Variants in RTTN observed in about 807,000 individuals in gnomAD.
RTTN encodes rotatin.
A neutral mutation model predicts 269.2 loss-of-function variants in RTTN; 182 were observed. The observed-to-expected ratio is 0.68, with a 90% CI of 0.60 to 0.76. RTTN has a LOEUF of 0.76. Among genes scored for constraint, RTTN ranks in the 30% least tolerant of loss-of-function variants. The probability of loss-of-function intolerance (pLI) is 0.00; values close to 1 mark genes in which losing one functional copy is unlikely to be tolerated. For synonymous variants in RTTN, 1,006 were observed against 963.5 expected (o/e 1.04, Z -0.82); for missense variants, 2,545 against 2,608.6 (o/e 0.98, Z 0.53).
At chr18:70,028,852 CT>C (rs2056928115) in intron 42 of RTTN, 51 bp from the exon 43 acceptor site, 2 of 1,287,086 alleles carry the variant, frequency 1.6e-6, no homozygotes, top group Non-Finnish European at 2.2e-6. Context: ...GCATACTTCA[CT>C]TTTTGTGTAT....
chr18:70,075,487 G>A lies in RTTN; in HGVS notation c.4429C>T (p.Leu1477Phe). The change falls in exon 33 of 49, where the codon CTT becomes TTT. Residue 1477 changes from leucine to phenylalanine, a missense_variant. Physicochemically the swap from Leu to Phe is conservative, Grantham distance 22. Transcript: ENST00000640769. ...SGLSLIGKPA[L>F]QALLYHCHFY... Reference sequence around the variant, plus strand: ...TGGCAGTGATATAAAAGAGCCTGAAGGGCAGGTTTTCCAATGAGCGATAGG... The same window carrying A: ...TGGCAGTGATATAAAAGAGCCTGAAAGGCAGGTTTTCCAATGAGCGATAGG... 1.2e-6 allele frequency: 2 copies of A among 1,603,314 alleles called. No homozygotes were observed. The highest frequency in any genetic ancestry group is 1.7e-6 in the Non-Finnish European group (2 of 1,175,662).
intron 40 of RTTN, 71 bp from the exon 41 acceptor site, chr18:70,031,052 A>G: frequency 1.0e-6 from 1 of 985,846 alleles, no homozygotes; most frequent in Non-Finnish European, 1.5e-6. Flanking sequence ...TGAATAAAGA[A>G]CATTTTCTAC....
chr18:70,109,910 T>C (rs2059418617), intron 27 of RTTN, among the ~76,000 whole-genome samples, 193 bp from the exon 28 acceptor site: 1 of 152,096 alleles, frequency 6.6e-6, no homozygotes. Flanking sequence ...GAGAATGTCA[T>C]ATAAAATACA....
chr18:70,012,718 C>A (rs2056426160), intron 46 of RTTN, among the ~76,000 whole-genome samples: 1 of 152,088 alleles, frequency 6.6e-6, no homozygotes, highest in African/African-American at 2.4e-5. Flanking sequence ...CGTCTGCTCA[C>A]TGGTACTGGT....
In RTTN at chr18:70,046,510, T is replaced by C. The variant is rs2057495330; in HGVS notation, c.5541+1461A>G. Among the ~76,000 whole-genome samples, 3 of 152,210 alleles carry C rather than the reference T, an allele frequency of 2.0e-5. No homozygotes were observed. The South Asian group carries it at 6.2e-4, about 32-fold the overall frequency. The stretch of plus-strand genomic sequence containing the variant: ...TGTGGTTGGGAGACTTTTGAAAAGG[T>C]TTGAATTTTCCTCCTTACAACATTC... On this transcript the variant is annotated intron_variant, in intron 40 of 48. Transcript: ENST00000640769.
At chr18:70,075,685 T>C (rs1272083079) in intron 32 of RTTN, 144 bp from the exon 33 acceptor site, 5 of 598,150 alleles carry the variant, frequency 8.4e-6, no homozygotes, top group Non-Finnish European at 1.4e-5. Context: ...TACACAGTTA[T>C]AGCAGCCTGA....
At chr18:70,098,891 T>C (rs1443730153) in intron 28 of RTTN, among the ~76,000 whole-genome samples, 2 of 152,184 alleles carry the variant, frequency 1.3e-5, no homozygotes, top group Non-Finnish European at 2.9e-5. Flanking sequence ...GAACATGCAG[T>C]GTTCGGTTAT....
intron 17 of RTTN, among the ~76,000 whole-genome samples, chr18:70,147,987 C>T (rs1171658872): frequency 3.3e-5 from 5 of 152,136 alleles, no homozygotes; most frequent in South Asian, 2.1e-4. Context: ...TCCTGGATCA[C>T]CCATAACATT....
intron 28 of RTTN, among the ~76,000 whole-genome samples, chr18:70,104,320 C>G (rs950155457): frequency 6.6e-6 from 1 of 152,120 alleles, no homozygotes; most frequent in Non-Finnish European, 1.5e-5. Flanking sequence ...AGTTCTTGTG[C>G]CATGATTTTC....
Position 70,110,324 on chromosome 18 carries a change from G to A in RTTN, c.3684-607C>T, listed in dbSNP as rs552632394. On this transcript the variant is annotated intron_variant, in intron 27 of 48. Transcript: ENST00000640769. ...GTCTGCAGCTCCCGGCAAGATCGAC[G>A]CAGAAGGCGGGTGATTTCTGCATTT... 1.4e-4 allele frequency among the ~76,000 whole-genome samples: 21 copies of A among 152,104 alleles called. No individual in the cohort carries two copies. In the South Asian group the frequency reaches 1.7e-3, roughly 12 times the overall value.
Position 70,176,746 on chromosome 18 carries a change from G to A in RTTN, c.1405C>T (p.His469Tyr), listed in dbSNP as rs760513283. 2.5e-6 allele frequency: 4 copies of A among 1,614,066 alleles called. No individual in the cohort carries two copies. The highest frequency in any genetic ancestry group is 3.4e-6 in the Non-Finnish European group (4 of 1,179,960). Residue 469 changes from histidine to tyrosine, a missense_variant, in exon 11 of 49, where the codon CAC becomes TAC. His to Tyr is a moderately conservative substitution (Grantham distance 83). Transcript: ENST00000640769. ...GAAATGCTGATAAAGGCCATTCTGT[G>A]GTGCACAAGCATCACCTCTGGCTGC... ...LEQPEVMLVH[H>Y]RMAFISISLF...
At chr18:70,188,320 G>C in intron 9 of RTTN, 97 bp from the exon 10 acceptor site, 1 of 674,392 alleles carries the variant, frequency 1.5e-6, no homozygotes, top group Non-Finnish European at 2.6e-6. Context: ...AGTTAGTCAT[G>C]CTCCAACATT....
chr18:70,024,970 G>C (rs1033195873), intron 43 of RTTN, 122 bp from the exon 44 acceptor site: 24 of 1,102,174 alleles, frequency 2.2e-5, no homozygotes, highest in Non-Finnish European at 3.1e-5. Flanking sequence ...GATGGCTTCA[G>C]CATCCTGCCC....
At position 70,134,938 on chromosome 18, in the gene RTTN, CA is replaced by C. The variant is rs199598647; in HGVS notation, c.2885+245del. 0.018 allele frequency among the ~76,000 whole-genome samples: 2,796 copies of C among 152,038 alleles called. 78 individuals are homozygous for C. The highest frequency in any genetic ancestry group is 0.064 in the African/African-American group (2,647 of 41,460). On this transcript the variant is annotated intron_variant, in intron 22 of 48. Coordinates refer to ENST00000640769, the MANE Select transcript of RTTN (RefSeq NM_173630.4). ...GTATGTACTAAAAATGTATTAAAGA[CA>C]AAAATTACTGCAGTAATTTTAAAGT... is the stretch of plus-strand genomic sequence containing the variant.
intron 18 of RTTN, among the ~76,000 whole-genome samples, chr18:70,145,048 T>C (rs1244358195): frequency 1.3e-5 from 2 of 152,192 alleles, no homozygotes; most frequent in African/African-American, 2.4e-5. Context: ...GCCATTACCA[T>C]CTGAGCTCCA....
rs1261577830 is a variant in RTTN, at chr18:70,071,603, C to T, written c.4653+2303G>A. 4.6e-5 allele frequency among the ~76,000 whole-genome samples: 7 copies of T among 152,290 alleles called. No homozygotes were observed. The East Asian group carries it at 1.4e-3, about 29-fold the overall frequency. On this transcript the variant is annotated intron_variant, in intron 34 of 48. Coordinates refer to ENST00000640769, the MANE Select transcript of RTTN (RefSeq NM_173630.4). ...ATATTGAGTTCGATAGAGGCCACTCCTGAGGAAGCATTTACAAGGGCGATG... is the reference window on the plus strand; with the variant it reads ...ATATTGAGTTCGATAGAGGCCACTCTTGAGGAAGCATTTACAAGGGCGATG...
At chr18:70,118,003 C>T (rs928748180) in intron 26 of RTTN, among the ~76,000 whole-genome samples, 11 of 151,748 alleles carry the variant, frequency 7.2e-5, no homozygotes, top group African/African-American at 2.4e-4. Flanking sequence ...GAAGGACATA[C>T]ATAACAATAA....
At chr18:70,055,827 C>G (rs568412604) in intron 37 of RTTN, among the ~76,000 whole-genome samples, 3 of 151,986 alleles carry the variant, frequency 2.0e-5, no homozygotes, top group Non-Finnish European at 4.4e-5. Flanking sequence ...CTATGTATGG[C>G]CCTCTTAAAA....
chr18:70,031,047 A>G, intron 40 of RTTN, 66 bp from the exon 41 acceptor site: 2 of 1,082,884 alleles, frequency 1.8e-6, no homozygotes, highest in Non-Finnish European at 1.4e-6. Flanking sequence ...TGTTGTGAAT[A>G]AAGAACATTT....
Sources: allele counts gnomAD v4.1 joint callset (sites outside exome capture counted in the v4.1 genomes callset), GRCh38; gene constraint gnomAD v4.1.1; transcripts MANE v1.5; gene names NCBI Gene and HGNC (gene_info 2026-07-23, HGNC 2026-07-21).